RALYL: variants seen among roughly 807,000 people sequenced by gnomAD.
The protein encoded by RALYL is RNA-binding Raly-like protein.
A neutral mutation model predicts 35.1 loss-of-function variants in RALYL; 29 were observed. The observed-to-expected ratio is 0.83, with a 90% CI of 0.61 to 1.13. The LOEUF is 1.13. Ranked by LOEUF, RALYL falls within the 50% of genes most tolerant of loss-of-function variation. The pLI is 0.00. For synonymous variants in RALYL, 120 were observed against 127.6 expected (o/e 0.94, Z 0.40); for missense variants, 359 against 360.4 (o/e 1.00, Z 0.03).
chr8:84,868,503 CTTAA>C (rs1183203409), intron 6 of RALYL, among the ~76,000 whole-genome samples: 1 of 152,146 alleles, frequency 6.6e-6, no homozygotes, highest in Non-Finnish European at 1.5e-5. Context: ...GCTAAGCAAT[CTTAA>C]TTAAACACAT....
At chr8:84,216,310 T>C (rs905979038) in intron 1 of RALYL, among the ~76,000 whole-genome samples, 40 of 152,108 alleles carry the variant, frequency 2.6e-4, no homozygotes, top group African/African-American at 7.2e-4. Context: ...CATAAGCCTA[T>C]GTAGCAAGAT....
intron 2 of RALYL, among the ~76,000 whole-genome samples, chr8:84,682,909 C>T (rs1398832123): frequency 6.6e-6 from 1 of 151,936 alleles, no homozygotes; most frequent in East Asian, 1.9e-4. Context: ...GCTCTTGCTT[C>T]TCTAGTTCTT....
intron 1 of RALYL, among the ~76,000 whole-genome samples, chr8:84,320,017 A>C (rs1423698612): frequency 6.6e-6 from 1 of 152,092 alleles, no homozygotes; most frequent in African/African-American, 2.4e-5. Context: ...TCCTAAATAA[A>C]ATATTTATTG....
Position 84,887,734 on chromosome 8 carries a change from T to C in RALYL, c.816T>C (p.Asp272=), listed in dbSNP as rs1446745968. 6.2e-7 allele frequency: 1 copy of C among 1,613,666 alleles called. No individual in the cohort carries two copies. Among genetic ancestry groups the C allele is most frequent in the African/African-American group, 1.3e-5 (1 of 74,898 alleles). Reference sequence around the variant, plus strand: ...ATGCCGATGGAGAAGAGATGACAGATGGGATAGAGGAGGACTTCGATGAAG... The same window carrying C: ...ATGCCGATGGAGAAGAGATGACAGACGGGATAGAGGAGGACTTCGATGAAG... ...GPDADGEEMT[D]GIEEDFDEDG... is the part of the protein sequence containing the mutation. The change falls in exon 8 of 9, where the codon GAT becomes GAC. Residue 272 remains aspartate, a synonymous_variant. Transcript: ENST00000521268.
intron 1 of RALYL, among the ~76,000 whole-genome samples, chr8:84,425,362 A>G (rs1168102453): frequency 1.3e-5 from 2 of 151,438 alleles, no homozygotes; most frequent in Non-Finnish European, 2.9e-5. Flanking sequence ...GAACTCCCTG[A>G]CCCCTTGCGC....
chr8:84,383,479 T>C (rs1264593420), intron 1 of RALYL, among the ~76,000 whole-genome samples: 1 of 151,576 alleles, frequency 6.6e-6, no homozygotes, highest in Non-Finnish European at 1.5e-5. Flanking sequence ...CTCCAGAGCT[T>C]ATTAAAAAAG....
intron 1 of RALYL, among the ~76,000 whole-genome samples, chr8:84,198,134 C>A (rs1341828193): frequency 6.6e-6 from 1 of 152,076 alleles, no homozygotes; most frequent in Non-Finnish European, 1.5e-5. Context: ...GGAACTTTCA[C>A]TACAATTCAT....
intron 1 of RALYL, among the ~76,000 whole-genome samples, chr8:84,520,045 A>G (rs1199143047): frequency 1.3e-5 from 2 of 152,242 alleles, no homozygotes; most frequent in Non-Finnish European, 2.9e-5. Flanking sequence ...AAGCTTGTTT[A>G]TTAATTGCTT....
chr8:84,246,978 T>C (rs1829232549), intron 1 of RALYL, among the ~76,000 whole-genome samples: 1 of 152,160 alleles, frequency 6.6e-6, no homozygotes, highest in African/African-American at 2.4e-5. Context: ...ATCCTAGCTT[T>C]TGTATTTACT....
chr8:84,338,442 A>G (rs117250361), intron 1 of RALYL, among the ~76,000 whole-genome samples: 4,395 of 151,798 alleles, frequency 0.029, 108 homozygotes, highest in Non-Finnish European at 0.035. Flanking sequence ...CTAAGAGGAT[A>G]AAATTAGCTG....
chr8:84,434,985 C>T (rs1233525793), intron 1 of RALYL, among the ~76,000 whole-genome samples: 2 of 152,118 alleles, frequency 1.3e-5, no homozygotes, highest in African/African-American at 4.8e-5. Context: ...GATATTTGAA[C>T]ACACTAACAT....
intron 2 of RALYL, among the ~76,000 whole-genome samples, chr8:84,682,636 T>C (rs945482752): frequency 1.3e-5 from 2 of 152,186 alleles, no homozygotes; most frequent in Non-Finnish European, 2.9e-5. Flanking sequence ...GTAGAGGTGT[T>C]TATAGTATTC....
intron 4 of RALYL, among the ~76,000 whole-genome samples, chr8:84,840,739 G>A (rs555518731): frequency 6.6e-6 from 1 of 152,204 alleles, no homozygotes; most frequent in Non-Finnish European, 1.5e-5. Context: ...TACCCACAAA[G>A]GGAAGCCCAT....
intron 2 of RALYL, among the ~76,000 whole-genome samples, chr8:84,629,238 T>C (rs1823411951): frequency 6.6e-6 from 1 of 152,100 alleles, no homozygotes; most frequent in African/African-American, 2.4e-5. Flanking sequence ...CAGAAACCTT[T>C]GTCTATTTTG....
chr8:84,683,852 T>A (rs968006684), intron 2 of RALYL, among the ~76,000 whole-genome samples: 2 of 152,044 alleles, frequency 1.3e-5, no homozygotes, highest in African/African-American at 4.8e-5. Flanking sequence ...ATGCCCAGCT[T>A]ATTCTGTATA....
intron 1 of RALYL, among the ~76,000 whole-genome samples, chr8:84,293,492 C>G (rs1447044369): frequency 2.0e-5 from 3 of 151,824 alleles, no homozygotes; most frequent in African/African-American, 7.3e-5. Flanking sequence ...ACCTCTTGGC[C>G]TGATTTCACA....
At chr8:84,592,051 C>G (rs1813423819) in intron 2 of RALYL, among the ~76,000 whole-genome samples, 1 of 152,052 alleles carries the variant, frequency 6.6e-6, no homozygotes, top group Non-Finnish European at 1.5e-5. Flanking sequence ...GAGCAGCTAA[C>G]CAGTGCATTT....
chr8:84,405,823 C>CTT (rs776007226), intron 1 of RALYL, among the ~76,000 whole-genome samples: 1,265 of 118,104 alleles, frequency 0.011, 59 homozygotes, highest in African/African-American at 0.036. Flanking sequence ...TATTTTCATT[C>CTT]TTTTTTTTTT....
chr8:84,687,591 C>T (rs1430761854), intron 2 of RALYL, among the ~76,000 whole-genome samples: 2 of 151,982 alleles, frequency 1.3e-5, no homozygotes, highest in Admixed American at 6.6e-5. Flanking sequence ...AGCTCAGTTA[C>T]TTGAAACACA....
Sources: allele counts gnomAD v4.1 joint callset (sites outside exome capture counted in the v4.1 genomes callset), GRCh38; gene constraint gnomAD v4.1.1; transcripts MANE v1.5; gene names NCBI Gene and HGNC (gene_info 2026-07-23, HGNC 2026-07-21).